POU2AF2: variants seen among roughly 807,000 people sequenced by gnomAD.
POU2AF2 encodes the protein POU class 2 homeobox associating factor 2, also known as POU domain class 2-associating factor 2.
chr11:111,271,571 G>A, the POU2AF2 span, among the ~76,000 whole-genome samples: 4 of 152,010 alleles, frequency 2.6e-5, no homozygotes, highest in African/African-American at 9.7e-5. Flanking sequence ...TCAGGCATGT[G>A]CCACCATGCT....
the POU2AF2 span, among the ~76,000 whole-genome samples, chr11:111,277,469 T>C: frequency 5.3e-5 from 8 of 152,300 alleles, no homozygotes; most frequent in South Asian, 4.1e-4. Flanking sequence ...ACAGAAAAAC[T>C]TTTAGAGCAG....
At chr11:111,274,815 G>A in the POU2AF2 span, among the ~76,000 whole-genome samples, 1 of 152,014 alleles carries the variant, frequency 6.6e-6, no homozygotes, top group African/African-American at 2.4e-5. Context: ...CTGGTGCGGT[G>A]GTTAAGAAAC....
the POU2AF2 span, among the ~76,000 whole-genome samples, chr11:111,268,478 TTTTATTTTA>T: frequency 9.6e-4 from 21 of 21,952 alleles, 2 homozygotes; most frequent in African/African-American, 3.1e-3. Context: ...ATTTTTCTTT[TTTTATTTTA>T]TTTTATTTTA....
the POU2AF2 span, among the ~76,000 whole-genome samples, chr11:111,272,570 A>G: frequency 6.6e-6 from 1 of 152,220 alleles, no homozygotes; most frequent in Admixed American, 6.5e-5. Flanking sequence ...AGTGCCAGAC[A>G]CAGAGTCTGG....
the POU2AF2 span, chr11:111,281,558 T>C: frequency 8.9e-7 from 1 of 1,118,166 alleles, no homozygotes. Flanking sequence ...TTTAAAATAG[T>C]TTTGTCTAAA....
the POU2AF2 span, among the ~76,000 whole-genome samples, chr11:111,263,427 C>CTTTTT: frequency 3.4e-4 from 33 of 96,136 alleles, no homozygotes; most frequent in East Asian, 1.4e-3. Context: ...TACTGAAGTT[C>CTTTTT]TTTTTTTTTT....
chr11:111,279,814 G>A, the POU2AF2 span, among the ~76,000 whole-genome samples: 1 of 151,860 alleles, frequency 6.6e-6, no homozygotes, highest in Non-Finnish European at 1.5e-5. Flanking sequence ...GGCCGAAACA[G>A]GTAGATCACC....
At chr11:111,273,392 A>G in the POU2AF2 span, among the ~76,000 whole-genome samples, 2 of 152,226 alleles carry the variant, frequency 1.3e-5, no homozygotes, top group Admixed American at 1.3e-4. Flanking sequence ...CAGATGTTCA[A>G]TATGGTATCA....
the POU2AF2 span, among the ~76,000 whole-genome samples, chr11:111,271,792 C>T: frequency 6.6e-6 from 1 of 152,106 alleles, no homozygotes; most frequent in Admixed American, 6.5e-5. Flanking sequence ...GTGGGTGGAT[C>T]ACCTGGGGTC....
chr11:111,261,275 ACACACAC>A, the POU2AF2 span, among the ~76,000 whole-genome samples: 1 of 139,310 alleles, frequency 7.2e-6, no homozygotes, highest in East Asian at 2.3e-4. Flanking sequence ...ACACACACAC[ACACACAC>A]ACACACACAC....
chr11:111,263,019 A>T, the POU2AF2 span, among the ~76,000 whole-genome samples: 1 of 152,130 alleles, frequency 6.6e-6, no homozygotes. Flanking sequence ...ACTTACTGAT[A>T]CTTAGTTACT....
At chr11:111,276,453 A>AAAAAATAT in the POU2AF2 span, among the ~76,000 whole-genome samples, 91 of 37,576 alleles carry the variant, frequency 2.4e-3, no homozygotes, top group Non-Finnish European at 3.7e-3. Flanking sequence ...AAAAAAAAAA[A>AAAAAATAT]ATATATATAT....
At chr11:111,276,449 A>ATAT in the POU2AF2 span, among the ~76,000 whole-genome samples, 235 of 49,642 alleles carry the variant, frequency 4.7e-3, no homozygotes, top group African/African-American at 0.016. Flanking sequence ...GAAAAAAAAA[A>ATAT]AAAAATATAT....
At chr11:111,282,159 C>G in the POU2AF2 span, among the ~76,000 whole-genome samples, 2 of 151,892 alleles carry the variant, frequency 1.3e-5, no homozygotes, top group Non-Finnish European at 2.9e-5. Flanking sequence ...TATCCTTTCT[C>G]TTTGTACAGA....
the POU2AF2 span, among the ~76,000 whole-genome samples, chr11:111,257,784 C>G: frequency 6.6e-6 from 1 of 152,242 alleles, no homozygotes; most frequent in Non-Finnish European, 1.5e-5. Flanking sequence ...TTCAGTGCTT[C>G]TCACAGTGCC....
the POU2AF2 span, among the ~76,000 whole-genome samples, chr11:111,263,260 A>C: frequency 1.3e-5 from 2 of 151,986 alleles, no homozygotes; most frequent in Non-Finnish European, 2.9e-5. Flanking sequence ...TTATACTTCA[A>C]ATATTTCCAT....
the POU2AF2 span, chr11:111,245,911 T>C: frequency 0.25 from 98,935 of 398,406 alleles, 14,140 homozygotes; most frequent in South Asian, 0.34. Flanking sequence ...TAATCCTAAT[T>C]TTTATTTTTG....
At chr11:111,275,356 G>A in the POU2AF2 span, among the ~76,000 whole-genome samples, 2 of 152,150 alleles carry the variant, frequency 1.3e-5, no homozygotes, top group Non-Finnish European at 2.9e-5. Flanking sequence ...AAGGGTTTGA[G>A]CAGAAAGCAA....
chr11:111,273,009 A>G, the POU2AF2 span, among the ~76,000 whole-genome samples: 1 of 152,220 alleles, frequency 6.6e-6, no homozygotes, highest in Admixed American at 6.5e-5. Context: ...TGTAGTTTAT[A>G]TTCATTATAG....
Sources: gnomAD v4.1 joint callset for allele counts (sites outside exome capture counted in the v4.1 genomes callset) on GRCh38, gnomAD v4.1.1 for gene constraint, MANE v1.5 for transcripts, NCBI Gene and HGNC (gene_info 2026-07-23, HGNC 2026-07-21) for gene names.